The following FARP1 variants were observed in gnomAD, a reference collection of about 807,000 sequenced individuals.
The protein encoded by FARP1 is FERM, ARHGEF and pleckstrin domain-containing protein 1.
Under a neutral mutation model 128.8 loss-of-function variants are expected in FARP1, and 52 were observed. The observed-to-expected ratio is 0.40, with a 90% CI of 0.32 to 0.51. The LOEUF is 0.51. FARP1 is among the 20% of genes least tolerant of loss of function. The pLI is 0.45. For missense variants in FARP1, 1,333 were observed against 1,367.9 expected, an observed-to-expected ratio of 0.97 and a Z score of 0.40; for synonymous variants, 580 against 551.8, an observed-to-expected ratio of 1.05 and a Z score of -0.72.
chr13:98,453,671 C>A lies in FARP1; in HGVS notation c.*5354C>A. The A allele has an allele frequency of 6.5e-6, 1 of 154,264 alleles. No homozygotes were observed. The highest frequency in any genetic ancestry group is 1.4e-5 in the Non-Finnish European group (1 of 69,532). 9.6% of individuals were successfully genotyped at this position (154,264 alleles called of 1,614,324 possible). A position where few individuals can be genotyped will look rare whatever the true frequency, so the allele number is the denominator to read the frequency against. On this transcript the variant is annotated 3_prime_UTR_variant, in exon 27 of 27. Coordinates refer to ENST00000319562, the MANE Select transcript of FARP1 (RefSeq NM_005766.4). Reference sequence around the variant, plus strand: ...TCCGAAATATGGTCCAAAGCAGGAACAACGTGTCTGCACAAAGATGTCTCT... The same window carrying A: ...TCCGAAATATGGTCCAAAGCAGGAAAAACGTGTCTGCACAAAGATGTCTCT...
chr13:98,446,046 C>T (rs1382345468), intron 24 of FARP1, 52 bp from the exon 25 acceptor site: 2 of 1,252,586 alleles, frequency 1.6e-6, no homozygotes, highest in African/African-American at 1.5e-5. Context: ...CTCTCTGTGC[C>T]CTCCTGGGGC....
intron 4 of FARP1, among the ~76,000 whole-genome samples, chr13:98,366,511 C>T (rs550720697): frequency 3.9e-5 from 6 of 152,318 alleles, no homozygotes; most frequent in Non-Finnish European, 5.9e-5. Flanking sequence ...ATTTGTCCCC[C>T]GCATGAAGGG....
chr13:98,312,673 G>A (rs1399954453), intron 2 of FARP1, among the ~76,000 whole-genome samples: 1 of 152,116 alleles, frequency 6.6e-6, no homozygotes, highest in Non-Finnish European at 1.5e-5. Flanking sequence ...AAACTAGGAG[G>A]CTTTAGAAGA....
chr13:98,360,284 T>C (rs957421723), intron 3 of FARP1, among the ~76,000 whole-genome samples: 28 of 152,214 alleles, frequency 1.8e-4, no homozygotes, highest in African/African-American at 5.3e-4. Flanking sequence ...TTAGTAGAGA[T>C]GGGCTTTCGC....
At chr13:98,183,736 T>C (rs550838351) in intron 1 of FARP1, among the ~76,000 whole-genome samples, 1 of 152,320 alleles carries the variant, frequency 6.6e-6, no homozygotes, top group Non-Finnish European at 1.5e-5. Flanking sequence ...TGCTGAGGAC[T>C]GGAAGGCAGG....
rs1239091007 is a variant in FARP1 at position 98,435,344 on chromosome 13, G to A, written c.2144-232G>A. ...TAATTGAAGGACAGCTGTATGCCAC[G>A]TCACCATGCAGGGGTCACTTAGTTT... is the stretch of plus-strand genomic sequence containing the variant. On this transcript the variant is annotated intron_variant, in intron 18 of 26. Transcript: ENST00000319562. 5 of 402,670 alleles carry A rather than the reference G, an allele frequency of 1.2e-5. No individual in the cohort carries two copies. The East Asian group carries it at 1.4e-4, about 11-fold the overall frequency. 24.9% of individuals were successfully genotyped at this position (402,670 alleles called of 1,614,324 possible). A position where few individuals can be genotyped will look rare whatever the true frequency, so the allele number is the denominator to read the frequency against.
At chr13:98,190,984 C>T (rs1213807042) in intron 1 of FARP1, among the ~76,000 whole-genome samples, 1 of 152,136 alleles carries the variant, frequency 6.6e-6, no homozygotes, top group Non-Finnish European at 1.5e-5. Context: ...TGCATCTTAT[C>T]ATCTCCCCCG....
chr13:98,399,756 A>G (rs1016405447), intron 13 of FARP1: 9 of 152,156 alleles, frequency 5.9e-5, no homozygotes, highest in African/African-American at 2.2e-4. Context: ...ACAAATCTTA[A>G]AGCCACTGTT....
At chr13:98,365,141 T>G (rs993981799) in intron 3 of FARP1, among the ~76,000 whole-genome samples, 2 of 152,224 alleles carry the variant, frequency 1.3e-5, no homozygotes, top group African/African-American at 4.8e-5. Flanking sequence ...AATAGAAAAC[T>G]TCTTAGTTAA....
At position 98,393,668 on chromosome 13, in the gene FARP1, C is replaced by T. The variant is rs753311596; in HGVS notation, c.1114C>T (p.Arg372Trp). 6.8e-6 allele frequency: 11 copies of T among 1,613,836 alleles called. No individual in the cohort carries two copies. The highest frequency in any genetic ancestry group is 1.3e-5 in the African/African-American group (1 of 74,918). ...GAAGCACAGCAAGATTCATTCTATC[C>T]GGAGCCTTGCTTCACAGCCTACAGA... ...ERKHSKIHSI[R>W]SLASQPTELN... Residue 372 changes from arginine (R) to tryptophan (W), a missense_variant, in exon 12 of 27, where the codon CGG becomes TGG. Physicochemically the swap from Arg to Trp is moderately radical, Grantham distance 101 (BLOSUM62 -3). This residue lies in a region of FARP1 where 1,009 missense variants were observed against 969.8 expected (regional missense o/e 1.04). Coordinates refer to ENST00000319562, the MANE Select transcript of FARP1 (RefSeq NM_005766.4).
intron 2 of FARP1, among the ~76,000 whole-genome samples, chr13:98,284,680 A>G (rs998184256): frequency 3.3e-5 from 5 of 152,036 alleles, no homozygotes; most frequent in African/African-American, 7.2e-5. Context: ...TTGTCCCTCA[A>G]TGTTTTTTCC....
chr13:98,385,547 A>T (rs1447761623), intron 7 of FARP1, 120 bp from the exon 8 acceptor site: 1 of 1,064,908 alleles, frequency 9.4e-7, no homozygotes. Flanking sequence ...CTGATCGGGT[A>T]GCCCCAGTGT....
intron 1 of FARP1, among the ~76,000 whole-genome samples, chr13:98,143,759 G>A (rs1875269296): frequency 1.3e-5 from 2 of 151,302 alleles, no homozygotes; most frequent in East Asian, 2.0e-4. Flanking sequence ...CTCCGCCGAC[G>A]TCGGGCTGCG....
At chr13:98,284,700 T>G (rs1029709792) in intron 2 of FARP1, among the ~76,000 whole-genome samples, 1 of 152,212 alleles carries the variant, frequency 6.6e-6, no homozygotes, top group African/African-American at 2.4e-5. Context: ...CTGATTATAT[T>G]TGCAAGTGAA....
chr13:98,250,580 G>A (rs1883274344), intron 2 of FARP1, among the ~76,000 whole-genome samples: 1 of 152,018 alleles, frequency 6.6e-6, no homozygotes, highest in Non-Finnish European at 1.5e-5. Context: ...AATTAGCTGG[G>A]CATGGTGGCA....
At chr13:98,441,517 AG>A (rs34920881) in intron 24 of FARP1, among the ~76,000 whole-genome samples, 1 of 152,228 alleles carries the variant, frequency 6.6e-6, no homozygotes, top group African/African-American at 2.4e-5. Flanking sequence ...GGAGCCCCGC[AG>A]GGCCCCTCCG....
chr13:98,231,376 G>A (rs2139404804), intron 2 of FARP1, among the ~76,000 whole-genome samples: 1 of 152,132 alleles, frequency 6.6e-6, no homozygotes, highest in South Asian at 2.1e-4. Context: ...TTACAGGGCA[G>A]TGCACGCTTT....
chr13:98,231,034 C>T (rs749541737), intron 2 of FARP1, among the ~76,000 whole-genome samples: 11 of 152,080 alleles, frequency 7.2e-5, no homozygotes, highest in South Asian at 2.1e-4. Flanking sequence ...TTCACTACCA[C>T]GAGAACAGTA....
rs1374675928 is a variant in FARP1 at position 98,398,312 on chromosome 13, G to A, written c.1414+2836G>A. 2.0e-5 allele frequency: 3 copies of A among 152,228 alleles called. No homozygotes were observed. In the East Asian group the frequency reaches 5.8e-4, roughly 29 times the overall value. 9.4% of individuals were successfully genotyped at this position (152,228 alleles called of 1,614,324 possible). On this transcript the variant is annotated intron_variant, in intron 13 of 26. Coordinates refer to ENST00000319562, the MANE Select transcript of FARP1 (RefSeq NM_005766.4). Reference sequence around the variant, plus strand: ...TTGTTCATTGAAGTAGTCTATTTACGCCTTGCTTTGAATTTATATATTTAA... The same window carrying A: ...TTGTTCATTGAAGTAGTCTATTTACACCTTGCTTTGAATTTATATATTTAA...
Sources: gnomAD v4.1 joint callset for allele counts (sites outside exome capture counted in the v4.1 genomes callset) on GRCh38, gnomAD v4.1.1 for gene constraint, gnomAD v4.1.1 regional missense constraint, MANE v1.5 for transcripts, NCBI Gene and HGNC (gene_info 2026-07-23, HGNC 2026-07-21) for gene names.